RRP1B: variants seen among roughly 807,000 people sequenced by gnomAD.
RRP1B encodes ribosomal RNA processing protein 1 homolog B.
In RRP1B, 56 loss-of-function variants were observed where a neutral mutation model predicts 80.2. The observed-to-expected ratio is 0.70, with a 90% CI of 0.56 to 0.87. The LOEUF is 0.87. RRP1B is among the 40% of genes least tolerant of loss of function. The pLI, the probability that RRP1B is intolerant of heterozygous loss-of-function variation, is 0.00. For synonymous variants in RRP1B, 351 were observed against 357.6 expected, an observed-to-expected ratio of 0.98 and a Z score of 0.21; for missense variants, 807 against 939.8, an observed-to-expected ratio of 0.86 and a Z score of 1.85.
intron 8 of RRP1B, among the ~76,000 whole-genome samples, chr21:43,678,727 A>C (rs954968833): frequency 3.3e-5 from 5 of 151,918 alleles, no homozygotes; most frequent in Non-Finnish European, 7.4e-5. Context: ...TTGTTTGTTT[A>C]TTCTGCTGAT....
At chr21:43,685,014 C>G (rs1245130014) in intron 10 of RRP1B, among the ~76,000 whole-genome samples, 1 of 152,166 alleles carries the variant, frequency 6.6e-6, no homozygotes, top group Non-Finnish European at 1.5e-5. Flanking sequence ...TCCCCTCCCT[C>G]CCATATGGCT....
rs141073841 is a variant in RRP1B at position 43,688,689 on chromosome 21, C to T, written c.1866+449C>T. Among the ~76,000 whole-genome samples, 43 of 152,294 alleles carry T rather than the reference C, an allele frequency of 2.8e-4. No homozygotes were observed. In the East Asian group the frequency reaches 7.9e-3, roughly 28 times the overall value. The stretch of plus-strand genomic sequence containing the variant: ...TATTCTTTTCTTTTCTTAGCTTCCC[C>T]CCTACCCCCCAGCTCAAGAAACTTC... On this transcript the variant is annotated intron_variant, in intron 13 of 15. Transcript: ENST00000340648.
At chr21:43,689,247 A>G (rs2147176880) in intron 13 of RRP1B, among the ~76,000 whole-genome samples, 1 of 152,394 alleles carries the variant, frequency 6.6e-6, no homozygotes, top group South Asian at 2.1e-4. Context: ...TCTGTAAAGC[A>G]GAAAATAACT....
chr21:43,694,092 C>G lies in RRP1B; in HGVS notation c.*709C>G, dbSNP rs1458813744. 1 of 152,800 alleles carries G rather than the reference C, an allele frequency of 6.5e-6. No individual in the cohort carries two copies. The highest frequency in any genetic ancestry group is 1.5e-5 in the Non-Finnish European group (1 of 68,266). 9.5% of individuals were successfully genotyped at this position (152,800 alleles called of 1,614,324 possible). ...CCAAAGTGTCTTCCCGGGAGCCCAG[C>G]GCAGCCCCCGGCTCTTACCCAGGAC... is the stretch of plus-strand genomic sequence containing the variant. On this transcript the variant is annotated 3_prime_UTR_variant, in exon 16 of 16. Transcript: ENST00000340648.
chr21:43,660,043 A>G (rs767651677), intron 1 of RRP1B, among the ~76,000 whole-genome samples: 6 of 152,166 alleles, frequency 3.9e-5, no homozygotes, highest in Non-Finnish European at 7.4e-5. Context: ...GAAAAGACCC[A>G]CATGGGTCCG....
chr21:43,668,611 C>T (rs2298563), intron 1 of RRP1B, among the ~76,000 whole-genome samples: 77,240 of 151,810 alleles, frequency 0.51, 20,891 homozygotes, highest in East Asian at 0.7. Context: ...CCCCGTGATC[C>T]GCCCACCTCA....
At chr21:43,663,378 G>A (rs117390858) in intron 1 of RRP1B, among the ~76,000 whole-genome samples, 2,978 of 152,140 alleles carry the variant, frequency 0.02, 45 homozygotes, top group Middle Eastern at 0.075. Context: ...CAATTCTCCC[G>A]CCTCACCCTC....
At chr21:43,683,153 G>A (rs1312440086) in intron 8 of RRP1B, 126 bp from the exon 9 acceptor site, 14 of 660,400 alleles carry the variant, frequency 2.1e-5, no homozygotes, top group African/African-American at 7.4e-5. Flanking sequence ...AATTACAGGC[G>A]TGAGCCACCG....
At chr21:43,681,357 A>AT (rs1403699923) in intron 8 of RRP1B, among the ~76,000 whole-genome samples, 10,812 of 141,684 alleles carry the variant, frequency 0.076, 842 homozygotes, top group African/African-American at 0.18. Context: ...ACGGGAAGTA[A>AT]TTTTTTTTTT....
intron 6 of RRP1B, 35 bp downstream of exon 6, chr21:43,675,198 G>T: frequency 6.2e-7 from 1 of 1,607,634 alleles, no homozygotes. Flanking sequence ...CACGGGGTGA[G>T]GGGGCCGCCA....
At chr21:43,687,286 T>G (rs145800563) in intron 12 of RRP1B, among the ~76,000 whole-genome samples, 14 of 152,294 alleles carry the variant, frequency 9.2e-5, no homozygotes, top group African/African-American at 3.1e-4. Flanking sequence ...CAGTTCCATA[T>G]GTGTTTATAA....
Position 43,688,138 on chromosome 21 carries a change from G to C in RRP1B, c.1764G>C (p.Gln588His), listed in dbSNP as rs1453545626. The C allele has an allele frequency of 6.3e-7, 1 of 1,588,190 alleles. No individual in the cohort carries two copies. Among genetic ancestry groups the C allele is most frequent in the Non-Finnish European group, 8.6e-7 (1 of 1,166,970 alleles). The stretch of plus-strand genomic sequence containing the variant: ...TGGAGCTCTGTGGCCTGCCCAGCCA[G>C]AAAACAGCAAGTTTGAAAAAGAGGA... ...GSLELCGLPSQKTASLKKRKK... is the reference protein window; with the variant it reads ...GSLELCGLPSHKTASLKKRKK... The change falls in exon 13 of 16, where the codon CAG becomes CAC. Residue 588 changes from glutamine (Q) to histidine (H), a missense_variant. Gln to His is a conservative substitution (Grantham distance 24, BLOSUM62 0). Transcript: ENST00000340648.
intron 13 of RRP1B, among the ~76,000 whole-genome samples, chr21:43,688,870 A>G (rs2083075136): frequency 6.6e-6 from 1 of 152,026 alleles, no homozygotes; most frequent in Non-Finnish European, 1.5e-5. Flanking sequence ...GCTCACTGCA[A>G]CCTCCACCTC....
At chr21:43,692,167 C>T (rs180871008) in intron 15 of RRP1B, among the ~76,000 whole-genome samples, 1 of 152,326 alleles carries the variant, frequency 6.6e-6, no homozygotes, top group African/African-American at 2.4e-5. Context: ...TCGTAGTGCT[C>T]CATCAGCTGT....
chr21:43,671,954 T>C (rs1171586754), intron 2 of RRP1B, among the ~76,000 whole-genome samples: 1 of 152,214 alleles, frequency 6.6e-6, no homozygotes, highest in Non-Finnish European at 1.5e-5. Flanking sequence ...CCCAAAGTGC[T>C]AGGATTACAG....
intron 12 of RRP1B, 150 bp from the exon 13 acceptor site, chr21:43,687,366 G>T: frequency 1.2e-6 from 1 of 828,722 alleles, no homozygotes; most frequent in Non-Finnish European, 1.8e-6. Flanking sequence ...AAAGGTAGTG[G>T]GCGCACCAAG....
At chr21:43,680,461 G>A (rs1247797328) in intron 8 of RRP1B, among the ~76,000 whole-genome samples, 2 of 152,094 alleles carry the variant, frequency 1.3e-5, no homozygotes, top group South Asian at 2.1e-4. Context: ...CTACTCAGGA[G>A]GCTGAGGCAG....
intron 15 of RRP1B, among the ~76,000 whole-genome samples, chr21:43,692,466 G>A (rs1157932695): frequency 6.6e-6 from 1 of 152,058 alleles, no homozygotes; most frequent in Non-Finnish European, 1.5e-5. Context: ...GGGCGTAGTG[G>A]CAAGCACCTG....
chr21:43,661,414 G>C (rs1287480195), intron 1 of RRP1B, among the ~76,000 whole-genome samples: 1 of 152,056 alleles, frequency 6.6e-6, no homozygotes, highest in Non-Finnish European at 1.5e-5. Context: ...TTGGTTGCTG[G>C]TTCCCACCAG....
Sources: gnomAD v4.1 joint callset for allele counts (sites outside exome capture counted in the v4.1 genomes callset) on GRCh38, gnomAD v4.1.1 for gene constraint, MANE v1.5 for transcripts, NCBI Gene and HGNC (gene_info 2026-07-23, HGNC 2026-07-21) for gene names.